The following KLHL20 variants were observed in gnomAD, a reference collection of about 807,000 sequenced individuals.
The protein encoded by KLHL20 is kelch like family member 20, also known as kelch-like protein 20.
A neutral mutation model predicts 69.5 loss-of-function variants in KLHL20; 29 were observed. That is an observed-to-expected ratio of 0.42 (90% CI 0.31 to 0.57). KLHL20 has a LOEUF of 0.57. Ranked by LOEUF, KLHL20 falls within the 20% of genes least tolerant of loss-of-function variation. The pLI, the probability that KLHL20 is intolerant of heterozygous loss-of-function variation, is 0.18. For synonymous variants in KLHL20, 253 were observed against 265.2 expected (o/e 0.95, Z 0.45); for missense variants, 419 against 776.0 (o/e 0.54, Z 5.47).
chr1:173,744,635 G>A (rs1198212568), intron 3 of KLHL20, among the ~76,000 whole-genome samples: 2 of 152,046 alleles, frequency 1.3e-5, no homozygotes, highest in Non-Finnish European at 2.9e-5. Context: ...TTTGTGTATG[G>A]TGTGAAATAT....
At chr1:173,770,739 C>A (rs1571925172) in intron 8 of KLHL20, among the ~76,000 whole-genome samples, 2 of 143,208 alleles carry the variant, frequency 1.4e-5, no homozygotes, top group African/African-American at 2.6e-5. Flanking sequence ...GAGATAGTAA[C>A]AAATATTGAA....
chr1:173,772,298 G>T (rs897878174), intron 8 of KLHL20, among the ~76,000 whole-genome samples: 2 of 152,172 alleles, frequency 1.3e-5, no homozygotes, highest in Non-Finnish European at 2.9e-5. Context: ...GTCAAAGACC[G>T]CTAAGAGTCA....
At chr1:173,759,105 C>T (rs1035541314) in intron 7 of KLHL20, among the ~76,000 whole-genome samples, 5 of 152,038 alleles carry the variant, frequency 3.3e-5, no homozygotes, top group Admixed American at 6.5e-5. Flanking sequence ...CTGTGACTGC[C>T]GGCTTTCCCC....
At chr1:173,775,920 A>G in intron 10 of KLHL20, 78 bp downstream of exon 10, 2 of 1,183,254 alleles carry the variant, frequency 1.7e-6, no homozygotes, top group Non-Finnish European at 1.3e-6. Context: ...GAGTGCAGAT[A>G]TCTCTTCATT....
intron 3 of KLHL20, among the ~76,000 whole-genome samples, chr1:173,750,948 A>G (rs1463495678): frequency 6.6e-6 from 1 of 152,170 alleles, no homozygotes; most frequent in Admixed American, 6.5e-5. Flanking sequence ...GATGAGCATG[A>G]TTATAACCCT....
At chr1:173,752,487 AAAG>A (rs1176689761) in intron 4 of KLHL20, among the ~76,000 whole-genome samples, 1 of 152,226 alleles carries the variant, frequency 6.6e-6, no homozygotes, top group Non-Finnish European at 1.5e-5. Context: ...AAAATGAACA[AAAG>A]AAAGCAAGGA....
intron 4 of KLHL20, 69 bp from the exon 5 acceptor site, chr1:173,753,144 G>A: frequency 7.8e-7 from 1 of 1,283,050 alleles, no homozygotes; most frequent in Non-Finnish European, 1.1e-6. Flanking sequence ...CTGTACTCCA[G>A]CCTAGGCAAC....
intron 2 of KLHL20, among the ~76,000 whole-genome samples, chr1:173,724,738 G>A (rs1051041247): frequency 3.9e-5 from 6 of 152,172 alleles, no homozygotes; most frequent in South Asian, 4.1e-4. Flanking sequence ...CTAGGAGGTC[G>A]AGGCTGTAGT....
chr1:173,763,085 A>G (rs1347399573), intron 7 of KLHL20, among the ~76,000 whole-genome samples: 1 of 152,154 alleles, frequency 6.6e-6, no homozygotes, highest in African/African-American at 2.4e-5. Context: ...ACCAACAGCA[A>G]CCAAGCGGAG....
chr1:173,743,966 T>C (rs1325663871), intron 3 of KLHL20, among the ~76,000 whole-genome samples: 2 of 152,150 alleles, frequency 1.3e-5, no homozygotes, highest in Non-Finnish European at 2.9e-5. Context: ...AATGCTGCAA[T>C]GAATAACATC....
chr1:173,718,977 C>T (rs1312938619), intron 2 of KLHL20, among the ~76,000 whole-genome samples: 1 of 151,746 alleles, frequency 6.6e-6, no homozygotes, highest in Non-Finnish European at 1.5e-5. Context: ...CGGTGGCGGG[C>T]ACCTGTAGTC....
chr1:173,779,488 G>A (rs1215172214), intron 10 of KLHL20, among the ~76,000 whole-genome samples: 2 of 151,722 alleles, frequency 1.3e-5, no homozygotes, highest in Non-Finnish European at 2.9e-5. Flanking sequence ...GTAGCTGGGA[G>A]TACAGGCGCG....
rs1310127201 is a variant in KLHL20, at chr1:173,786,543, T to G, written c.*1296T>G. On this transcript the variant is annotated 3_prime_UTR_variant, in exon 12 of 12. Coordinates refer to ENST00000209884, the MANE Select transcript of KLHL20 (RefSeq NM_014458.4). Reference sequence around the variant, plus strand: ...TCCCTTTCCCCAACTACAAAAATGTTTGGCAACTTTGTGTTTACATTTAAA... The same window carrying G: ...TCCCTTTCCCCAACTACAAAAATGTGTGGCAACTTTGTGTTTACATTTAAA... 6.6e-6 allele frequency: 1 copy of G among 152,628 alleles called. No individual in the cohort carries two copies. Among genetic ancestry groups the G allele is most frequent in the East Asian group, 1.9e-4 (1 of 5,202 alleles). 9.5% of individuals were successfully genotyped at this position (152,628 alleles called of 1,614,324 possible). A position where few individuals can be genotyped will look rare whatever the true frequency, so the allele number is the denominator to read the frequency against.
chr1:173,744,366 T>A (rs1189433355), intron 3 of KLHL20, among the ~76,000 whole-genome samples: 1 of 152,154 alleles, frequency 6.6e-6, no homozygotes, highest in African/African-American at 2.4e-5. Flanking sequence ...TTTTTAAAGT[T>A]CTCTATATAT....
intron 3 of KLHL20, among the ~76,000 whole-genome samples, chr1:173,739,595 G>A (rs1672696225): frequency 6.7e-6 from 1 of 150,068 alleles, no homozygotes; most frequent in Non-Finnish European, 1.5e-5. Flanking sequence ...GATGTTCATA[G>A]TAGCCTTGAG....
At chr1:173,728,613 T>A (rs2102463615) in intron 2 of KLHL20, among the ~76,000 whole-genome samples, 1 of 152,206 alleles carries the variant, frequency 6.6e-6, no homozygotes, top group South Asian at 2.1e-4. Flanking sequence ...CTCAACTACA[T>A]GGAAACTGAA....
intron 10 of KLHL20, chr1:173,781,861 T>C (rs1558228117): frequency 3.5e-6 from 1 of 286,586 alleles, no homozygotes; most frequent in East Asian, 7.7e-5. Context: ...GGAGGTTGTT[T>C]GCTCACTTCT....
In KLHL20 at chr1:173,763,862, G is replaced by A. The variant is rs570380114; in HGVS notation, c.1152-2284G>A. Among the ~76,000 whole-genome samples the A allele has an allele frequency of 5.7e-3, 605 of 106,622 alleles. 4 individuals are homozygous for A. Among genetic ancestry groups the A allele is most frequent in the South Asian group, 0.034 (133 of 3,952 alleles). 69.9% of individuals were successfully genotyped at this position (106,622 alleles called of 152,430 possible). A position where few individuals can be genotyped will look rare whatever the true frequency, so the allele number is the denominator to read the frequency against. On this transcript the variant is annotated intron_variant, in intron 7 of 11. Coordinates refer to ENST00000209884, the MANE Select transcript of KLHL20 (RefSeq NM_014458.4). ...CATGACCAAGAACCCAAAAGCAAAT[G>A]CAATAAAAAAAAAAAAAAAACAGCT...
At chr1:173,739,389 T>G (rs1255850347) in intron 3 of KLHL20, among the ~76,000 whole-genome samples, 4 of 152,076 alleles carry the variant, frequency 2.6e-5, no homozygotes, top group Admixed American at 2.0e-4. Context: ...TCTTTAAATG[T>G]CTGATAGACT....
Sources: gnomAD v4.1 joint callset for allele counts (sites outside exome capture counted in the v4.1 genomes callset) on GRCh38, gnomAD v4.1.1 for gene constraint, MANE v1.5 for transcripts, NCBI Gene and HGNC (gene_info 2026-07-23, HGNC 2026-07-21) for gene names.